The following MDH1B variants were observed in gnomAD, a reference collection of about 807,000 sequenced individuals.
MDH1B encodes putative malate dehydrogenase 1B.
Under a neutral mutation model 61.4 loss-of-function variants are expected in MDH1B, and 60 were observed. The ratio of observed to expected loss-of-function variants is 0.98; its 90% CI spans 0.79 to 1.21. The LOEUF (loss-of-function observed/expected upper bound fraction) is 1.21. Among genes scored for constraint, MDH1B ranks in the 50% most tolerant of loss-of-function variants. MDH1B has a pLI of 0.00. For missense variants in MDH1B, 587 were observed against 632.1 expected, an observed-to-expected ratio of 0.93 and a Z score of 0.76; for synonymous variants, 236 against 218.7, an observed-to-expected ratio of 1.08 and a Z score of -0.70.
At position 206,765,302 on chromosome 2, in the gene MDH1B, G is replaced by C; in HGVS notation, c.-31C>G. The C allele has an allele frequency of 2.5e-6, 4 of 1,578,362 alleles. No individual in the cohort carries two copies. In the South Asian group the frequency reaches 3.5e-5, roughly 14 times the overall value. On this transcript the variant is annotated 5_prime_UTR_variant, in exon 1 of 12. Coordinates refer to ENST00000374412, the MANE Select transcript of MDH1B (RefSeq NM_001039845.3). ...AGAGAGACTCAGAGGCAGGGACCGC[G>C]GCTTCGCGGTTTCCTGGCAACCACG...
At chr2:206,742,711 ATTTTTTTTTT>A (rs59584383) in intron 9 of MDH1B, among the ~76,000 whole-genome samples, 3 of 97,216 alleles carry the variant, frequency 3.1e-5, no homozygotes, top group East Asian at 6.3e-4. Flanking sequence ...TGATGTCTCT[ATTTTTTTTTT>A]TTTTTTTTTT....
At chr2:206,749,911 A>G (rs1308124723) in intron 6 of MDH1B, among the ~76,000 whole-genome samples, 1 of 152,196 alleles carries the variant, frequency 6.6e-6, no homozygotes, top group Non-Finnish European at 1.5e-5. Context: ...ATTCACGTTG[A>G]GAATTAGGAA....
At position 206,738,340 on chromosome 2, in the gene MDH1B, G is replaced by T; in HGVS notation, c.*143C>A. 1.9e-6 allele frequency: 1 copy of T among 526,796 alleles called. No individual in the cohort carries two copies. The highest frequency in any genetic ancestry group is 3.2e-6 in the Non-Finnish European group (1 of 311,334). The allele number at this position is 526,796 out of a possible 1,614,324, so 32.6% of individuals were successfully genotyped here. ...GAACTCTGACCTCTGTGCTGTCACA[G>T]TGATTTAATTGCCTTGCATGGTATT... is the stretch of plus-strand genomic sequence containing the variant. On this transcript the variant is annotated 3_prime_UTR_variant, in exon 12 of 12. Coordinates refer to ENST00000374412, the MANE Select transcript of MDH1B (RefSeq NM_001039845.3).
At chr2:206,749,797 C>T (rs532194727) in intron 6 of MDH1B, among the ~76,000 whole-genome samples, 1 of 152,224 alleles carries the variant, frequency 6.6e-6, no homozygotes. Context: ...GCAAAGGTGC[C>T]GAATGTAGAA....
chr2:206,761,006 T>C lies in MDH1B; in HGVS notation c.30A>G (p.Ala10=). MAKFVIAGR[A]DCPYYAKTEL... is the part of the protein sequence containing the mutation. ...CTGTTTTAGCATAATATGGACAATC[T>C]GCTCTACCTAAAAGAGTTCAAATTA... The change falls in exon 2 of 12, where the codon GCA becomes GCG. Residue 10 remains alanine (A), a synonymous_variant. Coordinates refer to ENST00000374412, the MANE Select transcript of MDH1B (RefSeq NM_001039845.3). 1 of 1,580,974 alleles carries C rather than the reference T, an allele frequency of 6.3e-7. No individual in the cohort carries two copies. Among genetic ancestry groups the C allele is most frequent in the Non-Finnish European group, 8.7e-7 (1 of 1,150,606 alleles).
intron 1 of MDH1B, among the ~76,000 whole-genome samples, chr2:206,763,981 C>T (rs1689267458): frequency 6.6e-6 from 1 of 152,144 alleles, no homozygotes; most frequent in African/African-American, 2.4e-5. Context: ...TGACTTCCCA[C>T]CATGTGGTTA....
chr2:206,748,943 T>G, intron 7 of MDH1B, 77 bp downstream of exon 7: 1 of 1,296,932 alleles, frequency 7.7e-7, no homozygotes, highest in Non-Finnish European at 1.1e-6. Context: ...GCTAGATGGG[T>G]GGGGACACAG....
Position 206,750,979 on chromosome 2 carries a change from C to T in MDH1B, c.1007G>A (p.Gly336Glu). The T allele has an allele frequency of 6.2e-7, 1 of 1,611,676 alleles. No homozygotes were observed. The highest frequency in any genetic ancestry group is 1.1e-5 in the South Asian group (1 of 90,598). The change falls in exon 6 of 12, where the codon GGA becomes GAA. Residue 336 changes from glycine to glutamate, a missense_variant. Coordinates refer to ENST00000374412, the MANE Select transcript of MDH1B (RefSeq NM_001039845.3). The part of the protein sequence containing the change: ...RVYRYESAIW[G>E]PLHYSRPVLN... Reference sequence around the variant, plus strand: ...AACAGGGCGTGAATAATGAAGAGGTCCCCAAATGGCACTCTCATATCTGTA... The same window carrying T: ...AACAGGGCGTGAATAATGAAGAGGTTCCCAAATGGCACTCTCATATCTGTA...
intron 2 of MDH1B, among the ~76,000 whole-genome samples, chr2:206,759,008 G>T (rs1239128923): frequency 6.6e-6 from 1 of 151,316 alleles, no homozygotes; most frequent in African/African-American, 2.4e-5. Flanking sequence ...TAAGTTCAGG[G>T]GTACAAGTGC....
intron 7 of MDH1B, 106 bp downstream of exon 7, chr2:206,748,914 C>G (rs946105101): frequency 4.5e-6 from 4 of 887,740 alleles, no homozygotes; most frequent in Non-Finnish European, 6.9e-6. Flanking sequence ...GTCCAGGCAG[C>G]TAATGGACCA....
intron 6 of MDH1B, 61 bp downstream of exon 6, chr2:206,750,873 T>G: frequency 7.4e-7 from 1 of 1,347,474 alleles, no homozygotes; most frequent in Non-Finnish European, 1.0e-6. Flanking sequence ...TTTAAAAGAT[T>G]ACAACCATTA....
At chr2:206,752,050 ATGTG>A (rs1688480466) in intron 5 of MDH1B, among the ~76,000 whole-genome samples, 1 of 152,172 alleles carries the variant, frequency 6.6e-6, no homozygotes, top group Non-Finnish European at 1.5e-5. Flanking sequence ...AGGCAGTGAC[ATGTG>A]CTGGTTCAGC....
At position 206,756,947 on chromosome 2, in the gene MDH1B, C is replaced by A. The variant is rs777718120; in HGVS notation, c.364G>T (p.Glu122Ter). Residue 122 changes from glutamate to a stop codon, truncating the protein, a stop_gained, in exon 4 of 12, where the codon GAA (glutamate) becomes TAA (stop). Transcript: ENST00000374412. LOFTEE classifies it high-confidence loss of function. ...LGAHIEKEQE[E>*]EALKTCINPL... ...TTGATGCAAGTTTTCAGGGCTTCTT[C>A]CTCCTGCTCTTTTTCTATATGTGCC... The A allele has an allele frequency of 1.2e-6, 2 of 1,614,106 alleles. No individual in the cohort carries two copies. Among genetic ancestry groups the A allele is most frequent in the South Asian group, 2.2e-5 (2 of 91,076 alleles).
intron 9 of MDH1B, 45 bp downstream of exon 9, chr2:206,745,577 C>A: frequency 7.2e-7 from 1 of 1,389,876 alleles, no homozygotes; most frequent in Non-Finnish European, 1.0e-6. Context: ...TATTTTAATA[C>A]TCTTTTAATA....
rs1442230084 is a variant in MDH1B at position 206,751,007 on chromosome 2, C to A, written c.979G>T (p.Val327Leu). Residue 327 changes from valine (V) to leucine (L), a missense_variant, in exon 6 of 12, where the codon GTG (valine) becomes TTG (leucine). Physicochemically the swap from Val to Leu is conservative, Grantham distance 32. Coordinates refer to ENST00000374412, the MANE Select transcript of MDH1B (RefSeq NM_001039845.3). ...CAAATGGCACTCTCATATCTGTACA[C>A]CCTTGTTTTTCTCAGATCAACGTAA... ...NNYVDLRKTR[V>L]YRYESAIWGP... The A allele has an allele frequency of 2.5e-6, 4 of 1,610,786 alleles. No homozygotes were observed.
chr2:206,761,175 T>C (rs1469145035), intron 1 of MDH1B, among the ~76,000 whole-genome samples, 162 bp from the exon 2 acceptor site: 1 of 152,216 alleles, frequency 6.6e-6, no homozygotes, highest in Admixed American at 6.5e-5. Context: ...CTGATGTTTA[T>C]TAGATTAATA....
chr2:206,749,305 C>T (rs750876996), intron 6 of MDH1B, 122 bp from the exon 7 acceptor site: 47 of 758,116 alleles, frequency 6.2e-5, no homozygotes, highest in Non-Finnish European at 8.0e-5. Context: ...AGAAATACAG[C>T]TTTATTTCTA....
chr2:206,740,117 A>G (rs576489951), intron 10 of MDH1B, among the ~76,000 whole-genome samples: 1 of 152,364 alleles, frequency 6.6e-6, no homozygotes, highest in African/African-American at 2.4e-5. Flanking sequence ...AAGCACTCAC[A>G]TTATATGTAT....
chr2:206,763,318 T>C (rs1434267114), intron 1 of MDH1B, among the ~76,000 whole-genome samples: 1 of 151,966 alleles, frequency 6.6e-6, no homozygotes, highest in African/African-American at 2.4e-5. Context: ...TAACTCCTTT[T>C]TCTCCCTTAT....
Sources: gnomAD v4.1 joint callset for allele counts (sites outside exome capture counted in the v4.1 genomes callset) on GRCh38, gnomAD v4.1.1 for gene constraint, MANE v1.5 for transcripts, NCBI Gene and HGNC (gene_info 2026-07-23, HGNC 2026-07-21) for gene names.